The following TXNRD2 variants were observed in gnomAD, a reference collection of about 807,000 sequenced individuals.
TXNRD2 encodes the protein thioredoxin reductase 2, also known as thioredoxin reductase 2, mitochondrial.
In TXNRD2, 67 loss-of-function variants were observed where a neutral mutation model predicts 70.8. That is an observed-to-expected ratio of 0.95 (90% CI 0.78 to 1.16). TXNRD2 has a LOEUF of 1.16. Among genes scored for constraint, TXNRD2 ranks in the 50% most tolerant of loss-of-function variants. TXNRD2 has a pLI of 0.00. For missense variants in TXNRD2, 644 were observed against 719.9 expected (o/e 0.89, Z 1.21); for synonymous variants, 301 against 295.8 (o/e 1.02, Z -0.18).
intron 2 of TXNRD2, among the ~76,000 whole-genome samples, chr22:19,928,103 C>CT (rs1569110568): frequency 1.7e-5 from 2 of 114,964 alleles, no homozygotes; most frequent in East Asian, 3.1e-4. Context: ...CCTCATCTTT[C>CT]TTTTTTTTAA....
intron 1 of TXNRD2, among the ~76,000 whole-genome samples, chr22:19,941,089 T>C (rs1286973245): frequency 6.6e-6 from 1 of 152,156 alleles, no homozygotes; most frequent in Non-Finnish European, 1.5e-5. Context: ...GGGGACCATG[T>C]TGTCGTGCAT....
intron 13 of TXNRD2, 28 bp downstream of exon 13, chr22:19,880,594 G>A (rs776213162): frequency 2.5e-6 from 4 of 1,602,266 alleles, no homozygotes; most frequent in Admixed American, 3.3e-5. Context: ...GTCCTAGGCT[G>A]CACGTGGCGT....
In TXNRD2 at chr22:19,883,462, C is replaced by A. The variant is rs1360687353; in HGVS notation, c.950-1G>T. The A allele has an allele frequency of 6.2e-7, 1 of 1,613,934 alleles. No individual in the cohort carries two copies. Among genetic ancestry groups the A allele is most frequent in the East Asian group, 2.2e-5 (1 of 44,902 alleles). ...AGACTTCTGGTGTCTGGGACTCGACCTGAAGGAAACAGAGAGGGGGCTGAA... is the reference window on the plus strand; with the variant it reads ...AGACTTCTGGTGTCTGGGACTCGACATGAAGGAAACAGAGAGGGGGCTGAA... On this transcript the variant is annotated splice_acceptor_variant, in intron 11 of 17. Transcript: ENST00000400521. LOFTEE classifies it high-confidence loss of function.
At position 19,878,423 on chromosome 22, in the gene TXNRD2, A is replaced by G. The variant is rs1938607986; in HGVS notation, c.1290T>C (p.His430=). The part of the protein sequence containing the change: ...GQEHVEVYHA[H]YKPLEFTVAG... Reference sequence around the variant, plus strand: ...CCACCGTGAACTCCAGTGGTTTATAATGGGCGTGATAGACCTGAGGACAGG... The same window carrying G: ...CCACCGTGAACTCCAGTGGTTTATAGTGGGCGTGATAGACCTGAGGACAGG... The change falls in exon 15 of 18, where the codon CAT becomes CAC. Residue 430 remains histidine (H), a synonymous_variant. Transcript: ENST00000400521. The G allele has an allele frequency of 6.2e-7, 1 of 1,613,682 alleles. No homozygotes were observed. The highest frequency in any genetic ancestry group is 2.2e-5 in the East Asian group (1 of 44,874).
intron 8 of TXNRD2, among the ~76,000 whole-genome samples, chr22:19,908,251 G>C (rs538948309): frequency 6.6e-6 from 1 of 152,130 alleles, no homozygotes; most frequent in African/African-American, 2.4e-5. Flanking sequence ...GGGAGGAGAG[G>C]CTCCTTTCTG....
chr22:19,891,671 GGC>G (rs1293320857), intron 11 of TXNRD2: 1 of 152,232 alleles, frequency 6.6e-6, no homozygotes, highest in Non-Finnish European at 1.5e-5. Context: ...CAGCAGTGCT[GGC>G]TGACTGTCTT....
At chr22:19,877,350 GA>G in intron 16 of TXNRD2, 116 bp from the exon 17 acceptor site, 1 of 962,820 alleles carries the variant, frequency 1.0e-6, no homozygotes, top group Non-Finnish European at 1.6e-6. Context: ...ACTGTCCCCT[GA>G]CCCCCAGCCA....
chr22:19,916,117 G>A (rs137960501), intron 5 of TXNRD2: 7 of 429,974 alleles, frequency 1.6e-5, no homozygotes, highest in Admixed American at 7.0e-5. Context: ...AAGAGGCCAC[G>A]TACAGCCCTG....
rs1481863147 is a variant in TXNRD2 at position 19,878,459 on chromosome 22, T to G, written c.1276-22A>C. On this transcript the variant is annotated intron_variant, in intron 14 of 17. Coordinates refer to ENST00000400521, the MANE Select transcript of TXNRD2 (RefSeq NM_006440.5). ...AGACCTGAGGACAGGATACCAACCC[T>G]GGATCAGTGCTGCGACAAACAAACC... is the stretch of plus-strand genomic sequence containing the variant. The G allele has an allele frequency of 1.9e-6, 3 of 1,610,898 alleles. No homozygotes were observed. In the South Asian group the frequency reaches 3.3e-5, roughly 18 times the overall value.
chr22:19,926,870 G>A (rs752771333), intron 2 of TXNRD2, among the ~76,000 whole-genome samples: 1 of 152,220 alleles, frequency 6.6e-6, no homozygotes, highest in African/African-American at 2.4e-5. Flanking sequence ...GGTTGCCAGG[G>A]GCTGGGGAGA....
At chr22:19,889,382 G>A (rs1162398288) in intron 11 of TXNRD2, among the ~76,000 whole-genome samples, 1 of 152,162 alleles carries the variant, frequency 6.6e-6, no homozygotes, top group Non-Finnish European at 1.5e-5. Flanking sequence ...GGAGGCTGAG[G>A]CGGGCGGATC....
At chr22:19,898,922 C>T (rs553996059) in intron 9 of TXNRD2, 127 bp downstream of exon 9, 39 of 1,219,524 alleles carry the variant, frequency 3.2e-5, no homozygotes, top group East Asian at 7.4e-5. Flanking sequence ...TCCTCCACGC[C>T]GAGAGGCCCA....
intron 2 of TXNRD2, among the ~76,000 whole-genome samples, chr22:19,927,668 A>G (rs200978611): frequency 1.1e-4 from 17 of 148,248 alleles, no homozygotes; most frequent in South Asian, 4.2e-4. Context: ...AAAAAAAAAA[A>G]AAAGAAAAGA....
chr22:19,909,534 CA>C lies in TXNRD2; in HGVS notation c.662+1842del, dbSNP rs1282395810. 1.0e-4 allele frequency among the ~76,000 whole-genome samples: 12 copies of C among 115,368 alleles called. No individual in the cohort carries two copies. The East Asian group carries it at 2.7e-3, about 26-fold the overall frequency. The allele number at this position is 115,368 out of a possible 152,430, so 75.7% of individuals were successfully genotyped here. A position where few individuals can be genotyped will look rare whatever the true frequency, so the allele number is the denominator to read the frequency against. On this transcript the variant is annotated intron_variant, in intron 8 of 17. Coordinates refer to ENST00000400521, the MANE Select transcript of TXNRD2 (RefSeq NM_006440.5). ...ACACACCACTCACACACACACACCA[CA>C]CACACACATAACCACTCACACACTA...
chr22:19,932,624 G>A, intron 1 of TXNRD2: 1 of 1,399,182 alleles, frequency 7.1e-7, no homozygotes, highest in Non-Finnish European at 9.4e-7. Context: ...TCATCAGTCT[G>A]CTGGGGTGAG....
chr22:19,922,342 T>C (rs1009974406), intron 2 of TXNRD2, among the ~76,000 whole-genome samples: 3 of 152,228 alleles, frequency 2.0e-5, no homozygotes, highest in African/African-American at 4.8e-5. Context: ...TATCTGTTCA[T>C]GTGTCTGTCT....
chr22:19,934,057 C>T (rs1019492295), intron 1 of TXNRD2, among the ~76,000 whole-genome samples: 5 of 152,218 alleles, frequency 3.3e-5, no homozygotes, highest in Non-Finnish European at 2.9e-5. Context: ...GGAAGGGTCC[C>T]CCAAAATGTG....
rs925920723 is a variant in TXNRD2, at chr22:19,941,727, A to C, written c.77T>G (p.Val26Gly). 4.4e-5 allele frequency: 66 copies of C among 1,487,352 alleles called. No individual in the cohort carries two copies. In the African/African-American group the frequency reaches 9.2e-4, roughly 21 times the overall value. 92.1% of individuals were successfully genotyped at this position (1,487,352 alleles called of 1,614,324 possible). The change falls in exon 1 of 18, where the codon GTG (valine) becomes GGG (glycine). Residue 26 changes from valine to glycine, a missense_variant. Physicochemically the swap from Val to Gly is moderately radical, Grantham distance 109. Around this residue, in one of 3 missense-constraint regions of TXNRD2, gnomAD observed 71 missense variants for 53.6 expected, o/e 1.33. Coordinates refer to ENST00000400521, the MANE Select transcript of TXNRD2 (RefSeq NM_006440.5). Reference sequence around the variant, plus strand: ...TGCTGCGCCCCGCGCCGCGCCCCGCACCCCGCCCGCCACGGCCTGCGTCCG... The same window carrying C: ...TGCTGCGCCCCGCGCCGCGCCCCGCCCCCCGCCCGCCACGGCCTGCGTCCG... ...RWRTQAVAGG[V>G]RGAARGAAAG...
At chr22:19,926,255 C>T (rs796405483) in intron 2 of TXNRD2, among the ~76,000 whole-genome samples, 22 of 152,148 alleles carry the variant, frequency 1.4e-4, no homozygotes, top group African/African-American at 5.1e-4. Context: ...TCTGGGAGGC[C>T]GAGGTGGGCG....
Sources: allele counts gnomAD v4.1 joint callset (sites outside exome capture counted in the v4.1 genomes callset), GRCh38; gene constraint gnomAD v4.1.1; regional missense constraint gnomAD v4.1.1; transcripts MANE v1.5; gene names NCBI Gene and HGNC (gene_info 2026-07-23, HGNC 2026-07-21).